Variants in HNRNPD observed in about 807,000 individuals in gnomAD.
The protein encoded by HNRNPD is heterogeneous nuclear ribonucleoprotein D.
In HNRNPD, 3 loss-of-function variants were observed where a neutral mutation model predicts 47.9. The observed-to-expected ratio is 0.06, with a 90% CI of 0.03 to 0.16. The LOEUF (loss-of-function observed/expected upper bound fraction) is 0.16. Among genes scored for constraint, HNRNPD ranks in the 10% least tolerant of loss-of-function variants. The pLI, the probability that HNRNPD is intolerant of heterozygous loss-of-function variation, is 1.00. For synonymous variants in HNRNPD, 171 were observed against 165.1 expected, an observed-to-expected ratio of 1.04 and a Z score of -0.28; for missense variants, 287 against 454.2, an observed-to-expected ratio of 0.63 and a Z score of 3.35.
chr4:82,361,884 G>A (rs1719465184), intron 2 of HNRNPD, among the ~76,000 whole-genome samples: 1 of 152,072 alleles, frequency 6.6e-6, no homozygotes, highest in African/African-American at 2.4e-5. Context: ...AGAGCTACAA[G>A]GGTTCACTGA....
At chr4:82,363,139 T>C (rs966571712) in intron 2 of HNRNPD, among the ~76,000 whole-genome samples, 1 of 151,722 alleles carries the variant, frequency 6.6e-6, no homozygotes, top group South Asian at 2.1e-4. Flanking sequence ...TGCAATGGCA[T>C]GATCTAGGCT....
intron 2 of HNRNPD, among the ~76,000 whole-genome samples, chr4:82,370,653 A>G (rs1159335669): frequency 6.6e-6 from 1 of 152,164 alleles, no homozygotes; most frequent in African/African-American, 2.4e-5. Context: ...ATGTTACCCT[A>G]AATAGGCTCT....
chr4:82,356,382 G>A, intron 7 of HNRNPD, 155 bp downstream of exon 7: 1 of 614,432 alleles, frequency 1.6e-6, no homozygotes, highest in Non-Finnish European at 2.9e-6. Context: ...AGGCTGGGAG[G>A]AACCAAGCAA....
rs959269614 is a variant in HNRNPD at position 82,373,881 on chromosome 4, C to A, written c.-203G>T. On this transcript the variant is annotated 5_prime_UTR_variant, in exon 1 of 9. Transcript: ENST00000313899. ...CTTCGCCTCCCACTCTCGCGCGGCG[C>A]ACACTCCCGCTCTCTCCCGCTGCAC... 6 of 1,204,576 alleles carry A rather than the reference C, an allele frequency of 5.0e-6. No homozygotes were observed. In the South Asian group the frequency reaches 6.3e-5, roughly 13 times the overall value. The allele number at this position is 1,204,576 out of a possible 1,614,324, so 74.6% of individuals were successfully genotyped here. A position where few individuals can be genotyped will look rare whatever the true frequency, so the allele number is the denominator to read the frequency against.
chr4:82,364,888 T>G (rs1719675682), intron 2 of HNRNPD, among the ~76,000 whole-genome samples: 1 of 152,196 alleles, frequency 6.6e-6, no homozygotes, highest in Non-Finnish European at 1.5e-5. Flanking sequence ...TCTGGACTAT[T>G]TAGGTCACTA....
intron 1 of HNRNPD, 68 bp from the exon 2 acceptor site, chr4:82,371,652 T>G (rs1049667576): frequency 1.3e-5 from 16 of 1,256,170 alleles, no homozygotes; most frequent in Non-Finnish European, 1.7e-5. Flanking sequence ...ACTGTTAGGG[T>G]TAAAAACTTT....
chr4:82,360,115 T>C (rs1049838769), intron 2 of HNRNPD, among the ~76,000 whole-genome samples: 1 of 152,140 alleles, frequency 6.6e-6, no homozygotes, highest in Non-Finnish European at 1.5e-5. Flanking sequence ...GCACATAAAA[T>C]GGAAAATTCT....
Position 82,373,734 on chromosome 4 carries a change from G to T in HNRNPD, c.-56C>A. The T allele has an allele frequency of 1.3e-6, 2 of 1,528,204 alleles. No homozygotes were observed. Among genetic ancestry groups the T allele is most frequent in the Non-Finnish European group, 1.7e-6 (2 of 1,144,342 alleles). The allele number at this position is 1,528,204 out of a possible 1,614,324, so 94.7% of individuals were successfully genotyped here. On this transcript the variant is annotated 5_prime_UTR_variant, in exon 1 of 9. Coordinates refer to ENST00000313899, the MANE Select transcript of HNRNPD (RefSeq NM_031370.3). ...ACTACACCCGCCGCTGCCGCGAACC[G>T]AAACTAGCAGCAAAGTAATCCCCGC...
At chr4:82,354,714 A>G (rs1723641560) in intron 8 of HNRNPD, 1 of 152,708 alleles carries the variant, frequency 6.5e-6, no homozygotes, top group Non-Finnish European at 1.5e-5. Context: ...GTATCCTTAG[A>G]AGAATAAATA....
In HNRNPD at chr4:82,373,680, G is replaced by C; in HGVS notation, c.-2C>G. 1 of 1,529,146 alleles carries C rather than the reference G, an allele frequency of 6.5e-7. No homozygotes were observed. The highest frequency in any genetic ancestry group is 8.7e-7 in the Non-Finnish European group (1 of 1,144,750). The allele number at this position is 1,529,146 out of a possible 1,614,324, so 94.7% of individuals were successfully genotyped here. On this transcript the variant is annotated 5_prime_UTR_variant, in exon 1 of 9. Coordinates refer to ENST00000313899, the MANE Select transcript of HNRNPD (RefSeq NM_031370.3). Reference sequence around the variant, plus strand: ...CCCGCCGAACTGCTCCTCCGACATAGTGCTAGTGTCTCCGCCGCTGCCGCC... The same window carrying C: ...CCCGCCGAACTGCTCCTCCGACATACTGCTAGTGTCTCCGCCGCTGCCGCC...
chr4:82,363,064 A>ATG (rs1719562904), intron 2 of HNRNPD, among the ~76,000 whole-genome samples: 1 of 148,248 alleles, frequency 6.7e-6, no homozygotes, highest in African/African-American at 2.5e-5. Context: ...ATATATATAT[A>ATG]TACATTTACA....
At chr4:82,358,590 A>C (rs1723827302) in intron 4 of HNRNPD, 69 bp downstream of exon 4, 2 of 1,393,682 alleles carry the variant, frequency 1.4e-6, no homozygotes, top group South Asian at 1.3e-5. Context: ...AGTGACTCTG[A>C]GTCCATAATG....
At chr4:82,371,329 A>C (rs993609940) in intron 2 of HNRNPD, among the ~76,000 whole-genome samples, 199 bp downstream of exon 2, 2 of 152,192 alleles carry the variant, frequency 1.3e-5, no homozygotes, top group African/African-American at 4.8e-5. Flanking sequence ...CACAGACCAA[A>C]TACCATGTAA....
chr4:82,373,644 G>A lies in HNRNPD; in HGVS notation c.35C>T (p.Ala12Val), dbSNP rs1478327446. 9 of 1,524,576 alleles carry A rather than the reference G, an allele frequency of 5.9e-6. No individual in the cohort carries two copies. The highest frequency in any genetic ancestry group is 5.6e-5 in the African/African-American group (4 of 70,864). The allele number at this position is 1,524,576 out of a possible 1,614,324, so 94.4% of individuals were successfully genotyped here. A position where few individuals can be genotyped will look rare whatever the true frequency, so the allele number is the denominator to read the frequency against. ...SEEQFGGDGA[A>V]AAATAAVGGS... ...GCCTACCGCCGCCGTTGCCGCTGCCGCCGCCCCGTCCCCGCCGAACTGCTC... is the reference window on the plus strand; with the variant it reads ...GCCTACCGCCGCCGTTGCCGCTGCCACCGCCCCGTCCCCGCCGAACTGCTC... The change falls in exon 1 of 9, where the codon GCG becomes GTG. Residue 12 changes from alanine (A) to valine (V), a missense_variant. By Grantham distance (64) the Ala-to-Val change is moderately conservative. Coordinates refer to ENST00000313899, the MANE Select transcript of HNRNPD (RefSeq NM_031370.3).
chr4:82,358,514 A>G lies in HNRNPD; in HGVS notation c.621+145T>C, dbSNP rs1228285759. ...TCCAACCTTCAAAGACCTGCTAATG[A>G]AGTATTTACAATATCCTTATTCCAA... On this transcript the variant is annotated intron_variant, in intron 4 of 8. Transcript: ENST00000313899. The G allele has an allele frequency of 1.9e-5, 13 of 695,390 alleles. No individual in the cohort carries two copies. The Middle Eastern group carries it at 1.3e-3, about 67-fold the overall frequency. The allele number at this position is 695,390 out of a possible 1,614,324, so 43.1% of individuals were successfully genotyped here.
rs1226253336 is a variant in HNRNPD at position 82,373,654 on chromosome 4, C to A, written c.25G>T (p.Asp9Tyr). MSEEQFGG[D>Y]GAAAAATAAV... Reference sequence around the variant, plus strand: ...GCCGTTGCCGCTGCCGCCGCCCCGTCCCCGCCGAACTGCTCCTCCGACATA... The same window carrying A: ...GCCGTTGCCGCTGCCGCCGCCCCGTACCCGCCGAACTGCTCCTCCGACATA... Residue 9 changes from aspartate (D) to tyrosine (Y), a missense_variant, in exon 1 of 9, where the codon GAC becomes TAC. This residue lies in a region of HNRNPD where 161 missense variants were observed against 137.1 expected (regional missense o/e 1.17). Transcript: ENST00000313899. The A allele has an allele frequency of 1.3e-6, 2 of 1,527,032 alleles. No homozygotes were observed. Among genetic ancestry groups the A allele is most frequent in the East Asian group, 2.5e-5 (1 of 39,714 alleles). The allele number at this position is 1,527,032 out of a possible 1,614,324, so 94.6% of individuals were successfully genotyped here. A position where few individuals can be genotyped will look rare whatever the true frequency, so the allele number is the denominator to read the frequency against.
At position 82,353,450 on chromosome 4, in the gene HNRNPD, C is replaced by T. The variant is rs921719177; in HGVS notation, c.*735G>A. On this transcript the variant is annotated 3_prime_UTR_variant, in exon 9 of 9. Transcript: ENST00000313899. ...TATTATAATTAACAGATTTTAAGTC[C>T]TTTTTATTTAATGGAAGCATAAAAC... 1 of 152,430 alleles carries T rather than the reference C, an allele frequency of 6.6e-6. No individual in the cohort carries two copies. Among genetic ancestry groups the T allele is most frequent in the Non-Finnish European group, 1.5e-5 (1 of 68,008 alleles). 9.4% of individuals were successfully genotyped at this position (152,430 alleles called of 1,614,324 possible). A position where few individuals can be genotyped will look rare whatever the true frequency, so the allele number is the denominator to read the frequency against.
intron 4 of HNRNPD, 137 bp downstream of exon 4, chr4:82,358,522 A>C (rs1723824627): frequency 4.0e-6 from 3 of 757,914 alleles, no homozygotes; most frequent in Non-Finnish European, 6.5e-6. Context: ...TGAAGTATTT[A>C]CAATATCCTT....
intron 4 of HNRNPD, 198 bp downstream of exon 4, chr4:82,358,461 G>T: frequency 1.9e-6 from 1 of 533,494 alleles, no homozygotes. Flanking sequence ...TCTGCATAGA[G>T]TAGGTGCTCA....
Sources: gnomAD v4.1 joint callset for allele counts (sites outside exome capture counted in the v4.1 genomes callset) on GRCh38, gnomAD v4.1.1 for gene constraint, gnomAD v4.1.1 regional missense constraint, MANE v1.5 for transcripts, NCBI Gene and HGNC (gene_info 2026-07-23, HGNC 2026-07-21) for gene names.